The following MIB1 variants were observed in gnomAD, a reference collection of about 807,000 sequenced individuals.
The protein encoded by MIB1 is MIB E3 ubiquitin protein ligase 1, also known as E3 ubiquitin-protein ligase MIB1.
A neutral mutation model predicts 124.5 loss-of-function variants in MIB1; 278 were observed. The observed-to-expected ratio is 2.23, with a 90% CI of 2.02 to 2.47. The LOEUF (loss-of-function observed/expected upper bound fraction) is 2.47, where lower values mean the gene tolerates loss of function less well. Ranked by LOEUF, MIB1 falls within the 30% of genes most tolerant of loss-of-function variation. MIB1 has a pLI of 0.00. For synonymous variants in MIB1, 446 were observed against 429.4 expected (o/e 1.04, Z -0.48); for missense variants, 957 against 1,254.4 (o/e 0.76, Z 3.58).
Position 21,768,649 on chromosome 18 carries a change from C to T in MIB1, c.428C>T (p.Ser143Phe). The change falls in exon 3 of 21, where the codon TCT becomes TTT. Residue 143 changes from serine (S) to phenylalanine (F), a missense_variant. By Grantham distance (155) the Ser-to-Phe change is radical. Coordinates refer to ENST00000261537, the MANE Select transcript of MIB1 (RefSeq NM_020774.4). ...ERVLLESRRK[S>F]KKITARGIFA... is the part of the protein sequence containing the mutation. ...GTTCTGTTAGAGTCTCGTAGGAAAT[C>T]TAAGAAGATTACAGCCAGAGGAATC... 6.3e-7 allele frequency: 1 copy of T among 1,587,940 alleles called. No homozygotes were observed. Among genetic ancestry groups the T allele is most frequent in the East Asian group, 2.3e-5 (1 of 44,154 alleles).
At chr18:21,775,680 A>T (rs73439839) in intron 4 of MIB1, among the ~76,000 whole-genome samples, 15 of 152,208 alleles carry the variant, frequency 9.9e-5, no homozygotes, top group Non-Finnish European at 4.4e-5. Flanking sequence ...TAAATTGTCA[A>T]TTTTTTAGGA....
intron 1 of MIB1, among the ~76,000 whole-genome samples, chr18:21,755,263 A>G (rs2041018456): frequency 6.6e-6 from 1 of 151,982 alleles, no homozygotes; most frequent in Non-Finnish European, 1.5e-5. Context: ...CTTGTGAACT[A>G]GTCTGATACC....
chr18:21,719,877 T>A (rs1403124588), intron 1 of MIB1, among the ~76,000 whole-genome samples: 1 of 152,176 alleles, frequency 6.6e-6, no homozygotes, highest in Non-Finnish European at 1.5e-5. Context: ...GATATTGTTG[T>A]CATTGATAAA....
chr18:21,835,346 T>G (rs1568220383), intron 12 of MIB1, among the ~76,000 whole-genome samples: 2 of 151,578 alleles, frequency 1.3e-5, no homozygotes, highest in African/African-American at 4.9e-5. Context: ...AACAGTTGAG[T>G]TTTAAAAAGG....
intron 12 of MIB1, chr18:21,825,807 A>G: frequency 2.0e-6 from 1 of 498,312 alleles, no homozygotes; most frequent in South Asian, 1.5e-5. Flanking sequence ...TTTGGAATCC[A>G]AAACAGTTAA....
intron 10 of MIB1, among the ~76,000 whole-genome samples, chr18:21,810,249 A>G (rs1347274332): frequency 6.6e-6 from 1 of 152,112 alleles, no homozygotes; most frequent in African/African-American, 2.4e-5. Flanking sequence ...TAAAGAAGAC[A>G]GATAACTGGA....
At chr18:21,854,406 C>T (rs1341478120) in intron 18 of MIB1, among the ~76,000 whole-genome samples, 1 of 152,138 alleles carries the variant, frequency 6.6e-6, no homozygotes, top group Non-Finnish European at 1.5e-5. Context: ...TAAAACTGGT[C>T]TCATAAAAGC....
At chr18:21,767,822 C>T (rs1446454221) in intron 2 of MIB1, among the ~76,000 whole-genome samples, 2 of 152,114 alleles carry the variant, frequency 1.3e-5, no homozygotes, top group Non-Finnish European at 2.9e-5. Flanking sequence ...GCTGGGATTA[C>T]AGGTGTGAGC....
intron 18 of MIB1, chr18:21,854,856 C>A: frequency 4.7e-6 from 1 of 214,856 alleles, no homozygotes; most frequent in South Asian, 8.5e-5. Context: ...GGGCACACGC[C>A]ACATGCAGAC....
chr18:21,860,738 A>G (rs1000813069), intron 20 of MIB1, among the ~76,000 whole-genome samples: 2 of 152,150 alleles, frequency 1.3e-5, no homozygotes, highest in African/African-American at 4.8e-5. Context: ...TGTGATAACT[A>G]ATTAAGAATT....
chr18:21,854,462 T>G (rs933411062), intron 18 of MIB1, among the ~76,000 whole-genome samples: 2 of 152,214 alleles, frequency 1.3e-5, no homozygotes, highest in African/African-American at 4.8e-5. Flanking sequence ...TGCTGACATC[T>G]GTCATTCACC....
rs2040845838 is a variant in MIB1 at position 21,741,237 on chromosome 18, T to A, written c.-347T>A. 6.5e-6 allele frequency: 1 copy of A among 152,834 alleles called. No individual in the cohort carries two copies. The highest frequency in any genetic ancestry group is 2.4e-5 in the African/African-American group (1 of 41,318). 9.5% of individuals were successfully genotyped at this position (152,834 alleles called of 1,614,324 possible). A position where few individuals can be genotyped will look rare whatever the true frequency, so the allele number is the denominator to read the frequency against. ...TCGCGCTGCCGGCCGGGGGAGAGCG[T>A]GGTTTCCTTGCGGCCGTCGCTGTAG... is the stretch of plus-strand genomic sequence containing the variant. On this transcript the variant is annotated 5_prime_UTR_variant, in exon 1 of 21. Transcript: ENST00000261537. This position sits in a 1 kb window ranked among gnomAD's most constrained non-coding sequence, Gnocchi z 5.4.
At chr18:21,827,972 T>A (rs1235664667) in intron 12 of MIB1, 1 of 152,032 alleles carries the variant, frequency 6.6e-6, no homozygotes, top group Non-Finnish European at 1.5e-5. Context: ...TCTTATTTTC[T>A]AACTTTGTCA....
chr18:21,741,133 G>A lies in MIB1; in HGVS notation c.-451G>A, dbSNP rs1218796560. On this transcript the variant is annotated 5_prime_UTR_variant, in exon 1 of 21. Coordinates refer to ENST00000261537, the MANE Select transcript of MIB1 (RefSeq NM_020774.4). This position sits in a 1 kb window ranked among gnomAD's most constrained non-coding sequence, Gnocchi z 5.4. The stretch of plus-strand genomic sequence containing the variant: ...GGTGCCCGCCCCCGAGCGAGGGGCC[G>A]GGGTGGCAGAAAGGCCGGCAGTTAA... Among the ~76,000 whole-genome samples, 1 of 152,020 alleles carries A rather than the reference G, an allele frequency of 6.6e-6. No individual in the cohort carries two copies. The highest frequency in any genetic ancestry group is 1.5e-5 in the Non-Finnish European group (1 of 67,964).
At chr18:21,777,264 C>A (rs1598605452) in intron 4 of MIB1, among the ~76,000 whole-genome samples, 1 of 151,692 alleles carries the variant, frequency 6.6e-6, no homozygotes, top group African/African-American at 2.4e-5. Flanking sequence ...ACTAAAAATG[C>A]AAAAATTAGC....
intron 18 of MIB1, chr18:21,855,129 C>T (rs1235306167): frequency 1.3e-5 from 2 of 152,194 alleles, no homozygotes; most frequent in African/African-American, 4.8e-5. Flanking sequence ...AGTATTTCCT[C>T]ATTTATTTTC....
intron 1 of MIB1, among the ~76,000 whole-genome samples, chr18:21,723,859 A>C (rs2146359781): frequency 6.6e-6 from 1 of 152,008 alleles, no homozygotes; most frequent in African/African-American, 2.4e-5. Context: ...AAGTAAGCTA[A>C]ACATAAATTC....
At chr18:21,781,334 G>T (rs2041359630) in intron 6 of MIB1, among the ~76,000 whole-genome samples, 1 of 118,586 alleles carries the variant, frequency 8.4e-6, no homozygotes, top group African/African-American at 3.1e-5. Context: ...TTACTTCTTT[G>T]ATCTTGTTAC....
chr18:21,765,849 T>G lies in MIB1; in HGVS notation c.307T>G (p.Cys103Gly). 2 of 1,614,096 alleles carry G rather than the reference T, an allele frequency of 1.2e-6. No homozygotes were observed. The highest frequency in any genetic ancestry group is 1.7e-6 in the Non-Finnish European group (2 of 1,179,998). The part of the protein sequence containing the change: ...IIGIRWKCAE[C>G]TNYDLCTVCY... ...TGGCATTCGATGGAAGTGTGCAGAG[T>G]GTACAAATTATGATTTGTGCACAGT... is the stretch of plus-strand genomic sequence containing the variant. The change falls in exon 2 of 21, where the codon TGT becomes GGT. Residue 103 changes from cysteine to glycine, a missense_variant. Coordinates refer to ENST00000261537, the MANE Select transcript of MIB1 (RefSeq NM_020774.4).
Sources: gnomAD v4.1 joint callset for allele counts (sites outside exome capture counted in the v4.1 genomes callset) on GRCh38, gnomAD v4.1.1 for gene constraint, Gnocchi (gnomAD v3.1) non-coding constraint, MANE v1.5 for transcripts, NCBI Gene and HGNC (gene_info 2026-07-23, HGNC 2026-07-21) for gene names.